Variants in COL7A1 observed in about 807,000 individuals in gnomAD.
COL7A1 encodes the protein collagen type VII alpha 1 chain, also known as collagen alpha-1(VII) chain.
In COL7A1, 296 loss-of-function variants were observed where a neutral mutation model predicts 456.2. That is an observed-to-expected ratio of 0.65 (90% CI 0.59 to 0.71). COL7A1 has a LOEUF of 0.71. Among genes scored for constraint, COL7A1 ranks in the 30% least tolerant of loss-of-function variants. COL7A1 has a pLI of 0.00. For missense variants in COL7A1, 3,441 were observed against 4,017.2 expected, an observed-to-expected ratio of 0.86 and a Z score of 3.88; for synonymous variants, 1,464 against 1,525.9, an observed-to-expected ratio of 0.96 and a Z score of 0.95.
In COL7A1 at chr3:48,571,031, A is replaced by G; in HGVS notation, c.7165-63T>C. On this transcript the variant is annotated intron_variant, in intron 94 of 118. Transcript: ENST00000681320. This position sits in a 1 kb window ranked among gnomAD's most constrained non-coding sequence, Gnocchi z 4.6. ...CAGGACCCCTCCCAGGACTCTCATC[A>G]GAACTCCCTCTTCCTCCTGTGGGGG... 6.2e-7 allele frequency: 1 copy of G among 1,612,136 alleles called. No individual in the cohort carries two copies.
Position 48,570,433 on chromosome 3 carries a change from A to C in COL7A1, c.7380+32T>G. 1.9e-6 allele frequency: 3 copies of C among 1,613,968 alleles called. No homozygotes were observed. The South Asian group carries it at 3.3e-5, about 18-fold the overall frequency. On this transcript the variant is annotated intron_variant, in intron 97 of 118. Coordinates refer to ENST00000681320, the MANE Select transcript of COL7A1 (RefSeq NM_000094.4). This position sits in a 1 kb window ranked among gnomAD's most constrained non-coding sequence, Gnocchi z 5.5. ...AGGCTGAAGGGGGTGACCAGGGCAC[A>C]AGAGAGAGTCAGCAGCACTTGTCCC...
chr3:48,582,420 G>A, intron 46 of COL7A1, 58 bp downstream of exon 46: 3 of 1,614,122 alleles, frequency 1.9e-6, no homozygotes, highest in South Asian at 1.1e-5. Flanking sequence ...CAAAATCCCA[G>A]TGTCCCATCT....
Position 48,579,989 on chromosome 3 carries a change from G to C in COL7A1, c.5124+42C>G, listed in dbSNP as rs1334607301. The C allele has an allele frequency of 6.2e-7, 1 of 1,613,770 alleles. No homozygotes were observed. The highest frequency in any genetic ancestry group is 1.3e-5 in the African/African-American group (1 of 74,904). ...ACATGATGTGGAGCCAAAGGGGCAA[G>C]TGAGAACAATGACAGAGGACCAGAC... On this transcript the variant is annotated intron_variant, in intron 57 of 118. Coordinates refer to ENST00000681320, the MANE Select transcript of COL7A1 (RefSeq NM_000094.4). The surrounding 1 kb of genome is among the most constrained non-coding windows in gnomAD (Gnocchi z 4.4).
chr3:48,583,109 C>A lies in COL7A1; in HGVS notation c.4482+18G>T, dbSNP rs1270335275. 6.2e-7 allele frequency: 1 copy of A among 1,613,964 alleles called. No homozygotes were observed. The highest frequency in any genetic ancestry group is 1.1e-5 in the South Asian group (1 of 91,080). ...CCAGATCCTCCAGGGCCCTTGGCAC[C>A]CCCCAGGTTGCACTTACCTTCTCTC... On this transcript the variant is annotated intron_variant, in intron 43 of 118. Coordinates refer to ENST00000681320, the MANE Select transcript of COL7A1 (RefSeq NM_000094.4). The surrounding 1 kb of genome is among the most constrained non-coding windows in gnomAD (Gnocchi z 5.1).
chr3:48,583,239 C>T lies in COL7A1; in HGVS notation c.4438-68G>A, dbSNP rs1448773978. 1 of 1,606,610 alleles carries T rather than the reference C, an allele frequency of 6.2e-7. No individual in the cohort carries two copies. The highest frequency in any genetic ancestry group is 1.3e-5 in the African/African-American group (1 of 74,572). On this transcript the variant is annotated intron_variant, in intron 42 of 118. Transcript: ENST00000681320. The surrounding 1 kb of genome is among the most constrained non-coding windows in gnomAD (Gnocchi z 5.1). ...GGTGGCGGGGCTTGAACGTCAAACC[C>T]CAGACAAGGGGTCCCAAACTCCAAC...
Position 48,586,398 on chromosome 3 carries a change from C to T in COL7A1, c.3484G>A (p.Val1162Ile), listed in dbSNP as rs1260291089. 4 of 1,613,828 alleles carry T rather than the reference C, an allele frequency of 2.5e-6. No homozygotes were observed. Among genetic ancestry groups the T allele is most frequent in the East Asian group, 2.2e-5 (1 of 44,902 alleles). The change falls in exon 27 of 119, where the codon GTT becomes ATT. Residue 1162 changes from valine to isoleucine, a missense_variant. Around this residue, in one of 3 missense-constraint regions of COL7A1, gnomAD observed 2,084 missense variants for 2,501.3 expected, o/e 0.83. Transcript: ENST00000681320. This position sits in a 1 kb window ranked among gnomAD's most constrained non-coding sequence, Gnocchi z 5.1. ...CTCAAGGGTTCATCCACTAGCAGAA[C>T]CATCACCCCTGGTACGTGCTGGCGG... ...GRRQHVPGVM[V>I]LLVDEPLRGD...
In COL7A1 at chr3:48,564,530, G is replaced by C; in HGVS notation, c.8819-108C>G. On this transcript the variant is annotated intron_variant, in intron 118 of 118. Coordinates refer to ENST00000681320, the MANE Select transcript of COL7A1 (RefSeq NM_000094.4). This position sits in a 1 kb window ranked among gnomAD's most constrained non-coding sequence, Gnocchi z 6.0. ...GAGCGGAGGCTACAACAGGAAGTGG[G>C]GGCTCTGACCTCAGAGGGGTCCATA... 1 of 1,387,996 alleles carries C rather than the reference G, an allele frequency of 7.2e-7. No homozygotes were observed. Among genetic ancestry groups the C allele is most frequent in the East Asian group, 2.4e-5 (1 of 41,542 alleles). The allele number at this position is 1,387,996 out of a possible 1,614,324, so 86.0% of individuals were successfully genotyped here. A position where few individuals can be genotyped will look rare whatever the true frequency, so the allele number is the denominator to read the frequency against.
intron 34 of COL7A1, 29 bp downstream of exon 34, chr3:48,584,879 CTT>C (rs2045118089): frequency 6.2e-7 from 1 of 1,613,996 alleles, no homozygotes; most frequent in Non-Finnish European, 8.5e-7. Context: ...TGGGAAGACA[CTT>C]AGAGAGCAAA....
Position 48,572,446 on chromosome 3 carries a change from G to T in COL7A1, c.6937-25C>A. The T allele has an allele frequency of 6.2e-7, 1 of 1,614,020 alleles. No individual in the cohort carries two copies. Among genetic ancestry groups the T allele is most frequent in the East Asian group, 2.2e-5 (1 of 44,872 alleles). On this transcript the variant is annotated intron_variant, in intron 89 of 118. Transcript: ENST00000681320. The surrounding 1 kb of genome is among the most constrained non-coding windows in gnomAD (Gnocchi z 4.6). ...CCTGGTAAGGGGGAGAGGTCAGTGG[G>T]ATTCCTTGGCCCCCACCAGTTGACC... is the stretch of plus-strand genomic sequence containing the variant.
At position 48,591,424 on chromosome 3, in the gene COL7A1, T is replaced by G; in HGVS notation, c.1636+40A>C. On this transcript the variant is annotated intron_variant, in intron 13 of 118. Coordinates refer to ENST00000681320, the MANE Select transcript of COL7A1 (RefSeq NM_000094.4). The surrounding 1 kb of genome is among the most constrained non-coding windows in gnomAD (Gnocchi z 7.0). ...CACTCAGACCCCTCAGGCTGGAACT[T>G]CAGTGTGTGTGGTGGGGGTGCTGGC... 1 of 1,609,916 alleles carries G rather than the reference T, an allele frequency of 6.2e-7. No individual in the cohort carries two copies. The highest frequency in any genetic ancestry group is 8.5e-7 in the Non-Finnish European group (1 of 1,177,830).
Position 48,572,643 on chromosome 3 carries a change from G to T in COL7A1, c.6900+28C>A. The T allele has an allele frequency of 6.2e-7, 1 of 1,603,338 alleles. No individual in the cohort carries two copies. The highest frequency in any genetic ancestry group is 8.5e-7 in the Non-Finnish European group (1 of 1,174,916). On this transcript the variant is annotated intron_variant, in intron 88 of 118. Transcript: ENST00000681320. The surrounding 1 kb of genome is among the most constrained non-coding windows in gnomAD (Gnocchi z 4.6). Reference sequence around the variant, plus strand: ...TGGGTGAGGCAGAGGAGTTGCTGCAGGGGGTGGAAGTCAGGGTCAAAGATC... The same window carrying T: ...TGGGTGAGGCAGAGGAGTTGCTGCATGGGGTGGAAGTCAGGGTCAAAGATC...
At chr3:48,584,401 T>C (rs571820230) in intron 36 of COL7A1, 26 bp from the exon 37 acceptor site, 230 of 1,613,466 alleles carry the variant, frequency 1.4e-4, no homozygotes, top group Middle Eastern at 8.2e-4. Context: ...AAGTATAAGG[T>C]GCAACCCCAC....
chr3:48,576,515 C>T lies in COL7A1; in HGVS notation c.5736+7G>A. On this transcript the variant is annotated splice_region_variant and intron_variant, in intron 69 of 118. Coordinates refer to ENST00000681320, the MANE Select transcript of COL7A1 (RefSeq NM_000094.4). ...CACCACGCCCCCTACCCAACATCCG[C>T]ACTCACCTTGGGGCCCGTGCCTCCT... The T allele has an allele frequency of 6.2e-7, 1 of 1,612,126 alleles. No individual in the cohort carries two copies. The highest frequency in any genetic ancestry group is 1.3e-5 in the African/African-American group (1 of 74,992).
chr3:48,585,145 A>G lies in COL7A1; in HGVS notation c.3895-29T>C, dbSNP rs1207866466. ...AGGAGGTGAAGAGGTCAGGACAGGA[A>G]GGGACCCTCCCCCAAGGCCCCTGGT... On this transcript the variant is annotated intron_variant, in intron 32 of 118. Transcript: ENST00000681320. The surrounding 1 kb of genome is among the most constrained non-coding windows in gnomAD (Gnocchi z 4.5). 6.2e-7 allele frequency: 1 copy of G among 1,607,274 alleles called. No individual in the cohort carries two copies. Among genetic ancestry groups the G allele is most frequent in the Admixed American group, 1.7e-5 (1 of 59,830 alleles).
chr3:48,579,464 A>C lies in COL7A1; in HGVS notation c.5271+16T>G. On this transcript the variant is annotated intron_variant, in intron 60 of 118. Transcript: ENST00000681320. This position sits in a 1 kb window ranked among gnomAD's most constrained non-coding sequence, Gnocchi z 4.4. ...AAGATGGGGACTTGGCAGACGGGGC[A>C]AAGTGCATCACTCACCTGTGGGCCT... The C allele has an allele frequency of 6.2e-7, 1 of 1,614,148 alleles. No individual in the cohort carries two copies. Among genetic ancestry groups the C allele is most frequent in the Non-Finnish European group, 8.5e-7 (1 of 1,180,020 alleles).
rs563231190 is a variant in COL7A1 at position 48,564,183 on chromosome 3, AC to A, written c.*222del. The A allele has an allele frequency of 2.9e-5, 18 of 630,246 alleles. No homozygotes were observed. The highest frequency in any genetic ancestry group is 8.5e-5 in the East Asian group (3 of 35,500). 39.0% of individuals were successfully genotyped at this position (630,246 alleles called of 1,614,324 possible). Reference sequence around the variant, plus strand: ...TCACATCCGCTCACTGCCCACAGCCACCCCCCCACAGTGAGTCATCTGCCAG... The same window carrying A: ...TCACATCCGCTCACTGCCCACAGCCACCCCCCACAGTGAGTCATCTGCCAG... On this transcript the variant is annotated 3_prime_UTR_variant, in exon 119 of 119. Coordinates refer to ENST00000681320, the MANE Select transcript of COL7A1 (RefSeq NM_000094.4). The surrounding 1 kb of genome is among the most constrained non-coding windows in gnomAD (Gnocchi z 6.0).
Position 48,586,102 on chromosome 3 carries a change from G to C in COL7A1, c.3695C>G (p.Ala1232Gly), listed in dbSNP as rs751562780. 1 of 1,613,564 alleles carries C rather than the reference G, an allele frequency of 6.2e-7. No homozygotes were observed. Among genetic ancestry groups the C allele is most frequent in the Non-Finnish European group, 8.5e-7 (1 of 1,180,038 alleles). Residue 1232 changes from alanine (A) to glycine (G), a missense_variant, in exon 28 of 119, where the codon GCC becomes GGC. Around this residue, in one of 3 missense-constraint regions of COL7A1, gnomAD observed 2,084 missense variants for 2,501.3 expected, o/e 0.83. Transcript: ENST00000681320. This position sits in a 1 kb window ranked among gnomAD's most constrained non-coding sequence, Gnocchi z 5.1. ...AGTAGTGAAGGATGCCTGACACAGG[G>C]CTGTGGCCAGACCACTGACTGCCTG... ...LDQAVSGLATALCQASFTTQP... is the reference protein window; with the variant it reads ...LDQAVSGLATGLCQASFTTQP...
Position 48,572,009 on chromosome 3 carries a change from C to G in COL7A1, c.7060G>C (p.Gly2354Arg), listed in dbSNP as rs748466015. 1.2e-6 allele frequency: 2 copies of G among 1,612,646 alleles called. No individual in the cohort carries two copies. The highest frequency in any genetic ancestry group is 3.3e-5 in the Admixed American group (2 of 59,866). Reference sequence around the variant, plus strand: ...CTAGGCCCCGGACTCACATCTTCCCCAGGGTCTCCGGGCTCCCCTGCACGG... The same window carrying G: ...CTAGGCCCCGGACTCACATCTTCCCGAGGGTCTCCGGGCTCCCCTGCACGG... ...AGRAGEPGDP[G>R]EDGQKGAPGP... The change falls in exon 92 of 119, where the codon GGG becomes CGG. Residue 2354 changes from glycine (G) to arginine (R), a missense_variant. By Grantham distance (125) the Gly-to-Arg change is moderately radical. Transcript: ENST00000681320. This position sits in a 1 kb window ranked among gnomAD's most constrained non-coding sequence, Gnocchi z 4.6.
In COL7A1 at chr3:48,582,322, C is replaced by T. The variant is rs774890570; in HGVS notation, c.4635+1G>A. 6.2e-7 allele frequency: 1 copy of T among 1,614,008 alleles called. No homozygotes were observed. The highest frequency in any genetic ancestry group is 1.1e-5 in the South Asian group (1 of 91,088). On this transcript the variant is annotated splice_donor_variant, in intron 47 of 118. Transcript: ENST00000681320. LOFTEE classifies it high-confidence loss of function. ...CAGAGCGCCATCCTCCCGTCACTCA[C>T]CACCACTGCAGGGTCCCCAGGGCGA...
Sources: gnomAD v4.1 joint callset for allele counts on GRCh38, gnomAD v4.1.1 for gene constraint, gnomAD v4.1.1 regional missense constraint, Gnocchi (gnomAD v3.1) non-coding constraint, MANE v1.5 for transcripts, NCBI Gene and HGNC (gene_info 2026-07-23, HGNC 2026-07-21) for gene names.